The following DNAH3 variants were observed in gnomAD, a reference collection of about 807,000 sequenced individuals.
The protein encoded by DNAH3 is axonemal beta dynein heavy chain 3.
Under a neutral mutation model 432.5 loss-of-function variants are expected in DNAH3, and 332 were observed. That is an observed-to-expected ratio of 0.77 (90% confidence interval 0.70 to 0.84). DNAH3 has a LOEUF of 0.84. Ranked by LOEUF, DNAH3 falls within the 40% of genes least tolerant of loss-of-function variation. DNAH3 has a pLI of 0.00. For missense variants in DNAH3, 4,861 were observed against 5,114.0 expected, an observed-to-expected ratio of 0.95 and a Z score of 1.51; for synonymous variants, 1,956 against 1,900.2, an observed-to-expected ratio of 1.03 and a Z score of -0.76.
intron 47 of DNAH3, among the ~76,000 whole-genome samples, chr16:20,986,134 G>A (rs2086183542): frequency 6.6e-6 from 1 of 151,770 alleles, no homozygotes; most frequent in South Asian, 2.1e-4. Context: ...GGGATTACAG[G>A]CATGAGCCAC....
At chr16:21,109,586 C>A (rs1165073387) in intron 14 of DNAH3, among the ~76,000 whole-genome samples, 1 of 152,020 alleles carries the variant, frequency 6.6e-6, no homozygotes, top group African/African-American at 2.4e-5. Context: ...GTGATTATTA[C>A]TAAATCATTT....
At chr16:21,020,350 A>ATATATATATATATAAAATCAT (rs2088112680) in intron 40 of DNAH3, among the ~76,000 whole-genome samples, 1 of 11,620 alleles carries the variant, frequency 8.6e-5, no homozygotes, top group African/African-American at 6.7e-4. Context: ...TAGTGTGTGT[A>ATATATATATATATAAAATCAT]TATATATATA....
At chr16:21,130,899 T>A (rs1660739934) in intron 7 of DNAH3, among the ~76,000 whole-genome samples, 1 of 152,214 alleles carries the variant, frequency 6.6e-6, no homozygotes, top group East Asian at 1.9e-4. Context: ...TTAATTTATT[T>A]TTTTAGCTCA....
chr16:20,988,259 T>C (rs1032838950), intron 44 of DNAH3, among the ~76,000 whole-genome samples, 194 bp from the exon 45 acceptor site: 2 of 152,172 alleles, frequency 1.3e-5, no homozygotes, highest in African/African-American at 4.8e-5. Context: ...ACATTAAAAA[T>C]GCTCTTCCTT....
chr16:21,038,583 G>T (rs747708937), intron 33 of DNAH3, among the ~76,000 whole-genome samples: 1 of 152,138 alleles, frequency 6.6e-6, no homozygotes, highest in Non-Finnish European at 1.5e-5. Flanking sequence ...CTTTGTTATG[G>T]TAAGCCATTG....
rs148647887 is a variant in DNAH3 at position 20,988,357 on chromosome 16, G to A, written c.6602-292C>T. Among the ~76,000 whole-genome samples, 297 of 152,332 alleles carry A rather than the reference G, an allele frequency of 1.9e-3. 2 individuals are homozygous for A. The highest frequency in any genetic ancestry group is 6.8e-3 in the African/African-American group (282 of 41,572). On this transcript the variant is annotated intron_variant, in intron 44 of 61. Transcript: ENST00000261383. ...TACAGATATAGAGCATCTCCATACTGCGGAAGTTCTACTGAGTGCTAGTTT... is the reference window on the plus strand; with the variant it reads ...TACAGATATAGAGCATCTCCATACTACGGAAGTTCTACTGAGTGCTAGTTT...
chr16:21,027,567 TG>T (rs2088636603), intron 37 of DNAH3, among the ~76,000 whole-genome samples: 1 of 152,228 alleles, frequency 6.6e-6, no homozygotes, highest in Non-Finnish European at 1.5e-5. Flanking sequence ...AGGCTGAGCA[TG>T]GTGGCTCACG....
intron 44 of DNAH3, among the ~76,000 whole-genome samples, chr16:20,995,116 T>C (rs902194400): frequency 5.3e-5 from 8 of 152,074 alleles, no homozygotes; most frequent in African/African-American, 1.4e-4. Context: ...TTTGTTGTTG[T>C]TGTATTTTTT....
intron 16 of DNAH3, 79 bp downstream of exon 16, chr16:21,104,392 T>C: frequency 7.6e-7 from 1 of 1,310,966 alleles, no homozygotes; most frequent in East Asian, 2.3e-5. Context: ...GGGGGATGGC[T>C]TAGACAGAAC....
intron 25 of DNAH3, 103 bp downstream of exon 25, chr16:21,062,379 C>A (rs1333134368): frequency 2.2e-6 from 2 of 904,384 alleles, no homozygotes; most frequent in African/African-American, 3.3e-5. Flanking sequence ...CCAAGTGTTC[C>A]ATACCCCAGG....
At chr16:21,048,556 A>G (rs1383717820) in intron 31 of DNAH3, among the ~76,000 whole-genome samples, 1 of 152,168 alleles carries the variant, frequency 6.6e-6, no homozygotes, top group African/African-American at 2.4e-5. Context: ...GCACGCACCC[A>G]CTGACCTGCG....
At chr16:21,076,342 A>G (rs2152768228) in intron 20 of DNAH3, among the ~76,000 whole-genome samples, 1 of 152,308 alleles carries the variant, frequency 6.6e-6, no homozygotes, top group South Asian at 2.1e-4. Context: ...AGGCCTCAGA[A>G]GCAACCAACC....
At chr16:21,029,265 T>G (rs892509581) in intron 37 of DNAH3, among the ~76,000 whole-genome samples, 2 of 152,236 alleles carry the variant, frequency 1.3e-5, no homozygotes, top group African/African-American at 4.8e-5. Context: ...GTGTATAATT[T>G]GGATAATTAG....
In DNAH3 at chr16:20,944,677, C is replaced by G; in HGVS notation, c.11344-14G>C. 6.2e-7 allele frequency: 1 copy of G among 1,613,664 alleles called. No individual in the cohort carries two copies. Among genetic ancestry groups the G allele is most frequent in the Non-Finnish European group, 8.5e-7 (1 of 1,179,846 alleles). On this transcript the variant is annotated splice_polypyrimidine_tract_variant and intron_variant, in intron 57 of 61. Coordinates refer to ENST00000261383, the Ensembl canonical transcript of DNAH3. The stretch of plus-strand genomic sequence containing the variant: ...GTCGATATAGGACTGGAAGGGAAAT[C>G]TTCAGTTGAAATCAACGAGGGACCC...
At chr16:21,039,213 G>GTTTTTT (rs1567681489) in intron 33 of DNAH3, among the ~76,000 whole-genome samples, 25 of 103,668 alleles carry the variant, frequency 2.4e-4, no homozygotes, top group Non-Finnish European at 2.7e-4. Context: ...TTATAGTGTT[G>GTTTTTT]CTTTTTTTTT....
chr16:20,978,079 C>CA (rs2085677310), intron 50 of DNAH3, among the ~76,000 whole-genome samples: 2 of 152,198 alleles, frequency 1.3e-5, no homozygotes, highest in East Asian at 3.8e-4. Flanking sequence ...GTACAGCTTT[C>CA]ATTTTAGATA....
At chr16:21,114,053 A>G (rs1455486291) in intron 12 of DNAH3, among the ~76,000 whole-genome samples, 6 of 152,228 alleles carry the variant, frequency 3.9e-5, no homozygotes, top group African/African-American at 1.4e-4. Flanking sequence ...GATTAACAAT[A>G]ACTGAAAATA....
exon 9 of DNAH3, chr16:21,125,222 C>T (rs771384849): frequency 6.8e-6 from 11 of 1,612,904 alleles, no homozygotes; most frequent in Non-Finnish European, 1.7e-6. Context: ...GACTTAATGA[C>T]CAGCTCCCTA....
intron 37 of DNAH3, among the ~76,000 whole-genome samples, chr16:21,029,669 A>C (rs1597184527): frequency 1.3e-5 from 2 of 152,188 alleles, no homozygotes; most frequent in Non-Finnish European, 2.9e-5. Context: ...CGCCATACTT[A>C]CTGTGTTATC....
Sources: allele counts gnomAD v4.1 joint callset (sites outside exome capture counted in the v4.1 genomes callset), GRCh38; gene constraint gnomAD v4.1.1; transcripts MANE v1.5; gene names NCBI Gene and HGNC (gene_info 2026-07-23, HGNC 2026-07-21).